Variants in MOV10L1 observed in about 807,000 individuals in gnomAD.
MOV10L1 encodes the protein Mov10 like RNA helicase 1.
In MOV10L1, 110 loss-of-function variants were observed where a neutral mutation model predicts 143.8. That is an observed-to-expected ratio of 0.76 (90% CI 0.66 to 0.90). MOV10L1 has a LOEUF of 0.90. MOV10L1 is among the 40% of genes least tolerant of loss of function. The pLI, the probability that MOV10L1 is intolerant of heterozygous loss-of-function variation, is 0.00. For synonymous variants in MOV10L1, 593 were observed against 581.1 expected (o/e 1.02, Z -0.29); for missense variants, 1,406 against 1,526.8 (o/e 0.92, Z 1.32).
intron 13 of MOV10L1, among the ~76,000 whole-genome samples, chr22:50,133,240 C>T (rs1380419701): frequency 6.6e-6 from 1 of 151,802 alleles, no homozygotes; most frequent in African/African-American, 2.4e-5. Context: ...TGGTAGGTTC[C>T]GTAGTGGCCC....
chr22:50,104,524 G>A (rs1272896660), intron 3 of MOV10L1, among the ~76,000 whole-genome samples: 2 of 152,112 alleles, frequency 1.3e-5, no homozygotes, highest in Non-Finnish European at 2.9e-5. Flanking sequence ...CCTCCAAACT[G>A]GTACACGTTT....
At chr22:50,139,355 A>G (rs1810406045) in intron 15 of MOV10L1, among the ~76,000 whole-genome samples, 1 of 152,060 alleles carries the variant, frequency 6.6e-6, no homozygotes, top group African/African-American at 2.4e-5. Context: ...CACTAAGAGC[A>G]TGACTTACAG....
intron 22 of MOV10L1, among the ~76,000 whole-genome samples, chr22:50,154,433 TG>T (rs899757407): frequency 5.9e-5 from 9 of 151,738 alleles, no homozygotes; most frequent in African/African-American, 2.2e-4. Context: ...CTGAGCATGG[TG>T]GCATGTGCCT....
intron 3 of MOV10L1, among the ~76,000 whole-genome samples, chr22:50,103,939 T>A (rs2061807231): frequency 6.6e-6 from 1 of 152,190 alleles, no homozygotes; most frequent in Non-Finnish European, 1.5e-5. Context: ...CTATTATTAT[T>A]ATGTTGTAAT....
At chr22:50,127,996 C>T (rs1056323344) in intron 12 of MOV10L1, among the ~76,000 whole-genome samples, 1 of 152,108 alleles carries the variant, frequency 6.6e-6, no homozygotes, top group South Asian at 2.1e-4. Flanking sequence ...GTCTCAAACT[C>T]CTGACCTCAA....
At position 50,120,562 on chromosome 22, in the gene MOV10L1, A is replaced by G. The variant is rs761819365; in HGVS notation, c.1515A>G (p.Arg505=). 6.2e-7 allele frequency: 1 copy of G among 1,613,924 alleles called. No homozygotes were observed. Among genetic ancestry groups the G allele is most frequent in the Admixed American group, 1.7e-5 (1 of 60,010 alleles). Residue 505 remains arginine, a synonymous_variant, in exon 10 of 27, where the codon AGA becomes AGG. Coordinates refer to ENST00000262794, the MANE Select transcript of MOV10L1 (RefSeq NM_018995.3). ...AATATCCAATCCCAGATAGACTTAGAAAATGTGTGGAACAAAAAATTGACA... is the reference window on the plus strand; with the variant it reads ...AATATCCAATCCCAGATAGACTTAGGAAATGTGTGGAACAAAAAATTGACA... ...LPQYPIPDRL[R]KCVEQKIDIL... is the part of the protein sequence containing the mutation.
chr22:50,115,835 G>A (rs731857), intron 8 of MOV10L1, among the ~76,000 whole-genome samples: 46,711 of 152,096 alleles, frequency 0.31, 7,538 homozygotes, highest in Admixed American at 0.46. Context: ...AAGCCCTGGG[G>A]CCTCGGTCAT....
intron 12 of MOV10L1, among the ~76,000 whole-genome samples, chr22:50,127,558 C>T (rs1184854803): frequency 6.6e-6 from 1 of 152,204 alleles, no homozygotes; most frequent in Non-Finnish European, 1.5e-5. Flanking sequence ...TCCCGACTCT[C>T]TGCTGGTGTC....
At position 50,152,060 on chromosome 22, in the gene MOV10L1, T is replaced by G. The variant is rs541176093; in HGVS notation, c.2893-985T>G. On this transcript the variant is annotated intron_variant, in intron 21 of 26. Transcript: ENST00000262794. The surrounding 1 kb of genome is among the most constrained non-coding windows in gnomAD (Gnocchi z 4.4). ...GTAGCACGTTGGAGGCTGGACACAT[T>G]CTATTTAGGCTTGACAGAGTCGGGA... 2.4e-4 allele frequency among the ~76,000 whole-genome samples: 37 copies of G among 152,232 alleles called. No homozygotes were observed. Among genetic ancestry groups the G allele is most frequent in the Non-Finnish European group, 4.3e-4 (29 of 68,040 alleles).
At chr22:50,114,257 T>C in intron 6 of MOV10L1, 124 bp from the exon 7 acceptor site, 2 of 1,201,918 alleles carry the variant, frequency 1.7e-6, no homozygotes, top group South Asian at 3.1e-5. Context: ...AATGACCTTT[T>C]GACTTATATT....
At chr22:50,139,529 T>C (rs980956606) in intron 15 of MOV10L1, among the ~76,000 whole-genome samples, 2 of 147,106 alleles carry the variant, frequency 1.4e-5, no homozygotes, top group African/African-American at 2.5e-5. Context: ...CTGGGCAACA[T>C]AGAAAAACTC....
chr22:50,099,636 T>C, intron 3 of MOV10L1, 34 bp downstream of exon 3: 5 of 1,579,866 alleles, frequency 3.2e-6, no homozygotes, highest in Non-Finnish European at 4.3e-6. Context: ...ACATTGAAAA[T>C]TAGGTTTTGT....
At chr22:50,151,529 G>A (rs2063296400) in intron 21 of MOV10L1, among the ~76,000 whole-genome samples, 1 of 152,190 alleles carries the variant, frequency 6.6e-6, no homozygotes, top group Non-Finnish European at 1.5e-5. Flanking sequence ...GGAGCAGGTG[G>A]GGGTCTTCAG....
chr22:50,161,374 CGAGGGGGTGGCA>C lies in MOV10L1; in HGVS notation c.3564_3575del (p.Glu1188_Ala1191del). ...GCTTCTCCTCTGTCTACAGCTGTGGCGAGGGGGTGGCAGACCCCTCCTACCCAGTGGTGCCAG... is the reference window on the plus strand; with the variant it reads ...GCTTCTCCTCTGTCTACAGCTGTGGCGACCCCTCCTACCCAGTGGTGCCAG... On this transcript the variant is annotated inframe_deletion, in exon 27 of 27. Transcript: ENST00000262794. The C allele has an allele frequency of 6.3e-7, 1 of 1,594,712 alleles. No individual in the cohort carries two copies. The highest frequency in any genetic ancestry group is 2.3e-5 in the East Asian group (1 of 44,052).
At position 50,107,383 on chromosome 22, in the gene MOV10L1, A is replaced by G. The variant is rs183283763; in HGVS notation, c.443-753A>G. ...GGCCTCTGTTTTCACATAGACAGTG[A>G]TTTCACCATGGCTCACATGTCGAAT... is the stretch of plus-strand genomic sequence containing the variant. On this transcript the variant is annotated intron_variant, in intron 3 of 26. Coordinates refer to ENST00000262794, the MANE Select transcript of MOV10L1 (RefSeq NM_018995.3). 2.4e-4 allele frequency among the ~76,000 whole-genome samples: 37 copies of G among 152,262 alleles called. No individual in the cohort carries two copies. In the East Asian group the frequency reaches 6.7e-3, roughly 28 times the overall value.
intron 10 of MOV10L1, 34 bp downstream of exon 10, chr22:50,120,650 C>T: frequency 7.0e-7 from 1 of 1,424,170 alleles, no homozygotes; most frequent in African/African-American, 1.4e-5. Flanking sequence ...GGGGTGTTGG[C>T]ATCTTCTAAT....
At chr22:50,122,789 A>ATTTT (rs1272152147) in intron 10 of MOV10L1, among the ~76,000 whole-genome samples, 2 of 102,036 alleles carry the variant, frequency 2.0e-5, no homozygotes, top group Non-Finnish European at 4.7e-5. Context: ...TTATTTATTT[A>ATTTT]TTTATTTATT....
intron 22 of MOV10L1, among the ~76,000 whole-genome samples, chr22:50,157,296 CGTT>C (rs1390655135): frequency 6.6e-6 from 1 of 152,160 alleles, no homozygotes; most frequent in African/African-American, 2.4e-5. Context: ...TATCTTTTCA[CGTT>C]GTTGATTGCG....
chr22:50,098,491 G>A (rs2062654228), intron 2 of MOV10L1, among the ~76,000 whole-genome samples: 1 of 152,080 alleles, frequency 6.6e-6, no homozygotes, highest in Non-Finnish European at 1.5e-5. Context: ...TGTTATAAAT[G>A]GAATTGTTTT....
Sources: gnomAD v4.1 joint callset for allele counts (sites outside exome capture counted in the v4.1 genomes callset) on GRCh38, gnomAD v4.1.1 for gene constraint, Gnocchi (gnomAD v3.1) non-coding constraint, MANE v1.5 for transcripts, NCBI Gene and HGNC (gene_info 2026-07-23, HGNC 2026-07-21) for gene names.